Variants in SLC18A1 observed in about 807,000 individuals in gnomAD.
The protein encoded by SLC18A1 is chromaffin granule amine transporter.
SLC18A1 carries 69 observed loss-of-function variants against 53.7 expected under a neutral mutation model. The observed-to-expected ratio is 1.28, with a 90% CI of 1.06 to 1.57. SLC18A1 has a LOEUF of 1.57. SLC18A1 is among the 40% of genes most tolerant of loss of function. The pLI, the probability that SLC18A1 is intolerant of heterozygous loss-of-function variation, is 0.00. For missense variants in SLC18A1, 932 were observed against 668.1 expected (o/e 1.40, Z -4.35); for synonymous variants, 320 against 248.1 (o/e 1.29, Z -2.72).
At chr8:20,167,298 T>C (rs941102777) in intron 8 of SLC18A1, among the ~76,000 whole-genome samples, 2 of 152,208 alleles carry the variant, frequency 1.3e-5, no homozygotes, top group African/African-American at 4.8e-5. Context: ...TGAAAAGTCT[T>C]GAATATTTCT....
rs754851854 is a variant in SLC18A1, at chr8:20,171,449, G to A, written c.770C>T (p.Ser257Phe). The change falls in exon 7 of 16, where the codon TCT (serine) becomes TTT (phenylalanine). Residue 257 changes from serine to phenylalanine, a missense_variant. Transcript: ENST00000276373. ...GAAGGCCAGGATGAGGAAGGGTGCAGACTTCCCAACAAACTCGTACATTAC... is the reference window on the plus strand; with the variant it reads ...GAAGGCCAGGATGAGGAAGGGTGCAAACTTCCCAACAAACTCGTACATTAC... ...GSVMYEFVGK[S>F]APFLILAFLA... The A allele has an allele frequency of 1.2e-5, 19 of 1,614,050 alleles. No individual in the cohort carries two copies. The African/African-American group carries it at 2.3e-4, about 19-fold the overall frequency.
At position 20,148,009 on chromosome 8, in the gene SLC18A1, A is replaced by G. The variant is rs1421511032; in HGVS notation, c.1208T>C (p.Ile403Thr). 1 of 1,613,980 alleles carries G rather than the reference A, an allele frequency of 6.2e-7. No homozygotes were observed. The highest frequency in any genetic ancestry group is 8.5e-7 in the Non-Finnish European group (1 of 1,179,952). Residue 403 changes from isoleucine to threonine, a missense_variant and splice_region_variant, in exon 13 of 16, where the codon ATA (isoleucine) becomes ACA (threonine). Ile to Thr is a moderately conservative substitution (Grantham distance 89). Transcript: ENST00000276373. ...TTTTCTTTGAGGGCACTTCTTACCT[A>G]TGGCAAGGCCAAGCCCTGCATTGGG... The part of the protein sequence containing the change: ...IGPNAGLGLA[I>T]GMVDSSMMPI...
intron 8 of SLC18A1, among the ~76,000 whole-genome samples, chr8:20,165,549 C>T (rs2128874722): frequency 6.6e-6 from 1 of 152,286 alleles, no homozygotes; most frequent in East Asian, 1.9e-4. Flanking sequence ...ACTCAGAAAG[C>T]CTCTCAAGCT....
chr8:20,179,335 C>A lies in SLC18A1; in HGVS notation c.274G>T (p.Val92Phe). The stretch of plus-strand genomic sequence containing the variant: ...ATTCCACTAGGTACGCTTTCTTCAA[C>A]AGCCACGGTGTTGTTGTTGAAGAAG... The part of the protein sequence containing the change: ...FSFFNNNTVA[V>F]EESVPSGIAW... The change falls in exon 3 of 16, where the codon GTT becomes TTT. Residue 92 changes from valine to phenylalanine, a missense_variant. Physicochemically the swap from Val to Phe is conservative, Grantham distance 50 (BLOSUM62 -1). Coordinates refer to ENST00000276373, the MANE Select transcript of SLC18A1 (RefSeq NM_003053.4). 5.6e-6 allele frequency: 9 copies of A among 1,614,192 alleles called. No individual in the cohort carries two copies. The highest frequency in any genetic ancestry group is 7.6e-6 in the Non-Finnish European group (9 of 1,180,042).
In SLC18A1 at chr8:20,179,284, T is replaced by C. The variant is rs1484879925; in HGVS notation, c.325A>G (p.Thr109Ala). Residue 109 changes from threonine to alanine, a missense_variant, in exon 3 of 16, where the codon ACC (threonine) becomes GCC (alanine). Thr to Ala is a moderately conservative substitution (Grantham distance 58, BLOSUM62 0). Coordinates refer to ENST00000276373, the MANE Select transcript of SLC18A1 (RefSeq NM_003053.4). ...GCTTCAGTGGCTGGAGGTGGGATGG[T>C]GCTGGCAGTGTCATTCATCCATGCT... ...GIAWMNDTAS[T>A]IPPPATEAIS... is the part of the protein sequence containing the mutation. 9.9e-6 allele frequency: 16 copies of C among 1,614,058 alleles called. No homozygotes were observed. The highest frequency in any genetic ancestry group is 1.0e-5 in the Non-Finnish European group (12 of 1,180,042).
chr8:20,165,189 T>C (rs1585208384), intron 8 of SLC18A1, 82 bp from the exon 9 acceptor site: 2 of 1,238,480 alleles, frequency 1.6e-6, no homozygotes, highest in South Asian at 2.5e-5. Context: ...GAAAGTACAA[T>C]TATGGGCTTA....
At chr8:20,153,218 G>A (rs913655198) in intron 10 of SLC18A1, among the ~76,000 whole-genome samples, 10 of 151,740 alleles carry the variant, frequency 6.6e-5, no homozygotes, top group East Asian at 1.9e-4. Context: ...GTGGTTGTGC[G>A]TTTTTTTTGC....
Position 20,166,310 on chromosome 8 carries a change from TATATATATATATATATATATAC to T in SLC18A1, c.859-1225_859-1204del, listed in dbSNP as rs1249664381. Among the ~76,000 whole-genome samples the T allele has an allele frequency of 4.3e-3, 409 of 94,344 alleles. 22 individuals carry two copies. In the South Asian group the frequency reaches 0.054, roughly 12 times the overall value. 61.9% of individuals were successfully genotyped at this position (94,344 alleles called of 152,430 possible). ...GTGTCTATATATATATATATATATA[TATATATATATATATATATATAC>T]ACCACCAGGTGGAAAATAATAAGGA... On this transcript the variant is annotated intron_variant, in intron 8 of 15. Transcript: ENST00000276373.
Position 20,179,147 on chromosome 8 carries a change from G to A in SLC18A1, c.462C>T (p.Asn154=). Reference sequence around the variant, plus strand: ...TGTTGGTGAGAGGGCCCACGAATGGGTTGACCAGAAGTTGCATCACAGCCT... The same window carrying A: ...TGTTGGTGAGAGGGCCCACGAATGGATTGACCAGAAGTTGCATCACAGCCT... ...ASKAVMQLLV[N]PFVGPLTNRI... The change falls in exon 3 of 16, where the codon AAC becomes AAT. Residue 154 remains asparagine (N), a synonymous_variant. Coordinates refer to ENST00000276373, the MANE Select transcript of SLC18A1 (RefSeq NM_003053.4). 1.2e-6 allele frequency: 2 copies of A among 1,613,476 alleles called. No individual in the cohort carries two copies. The highest frequency in any genetic ancestry group is 1.7e-6 in the Non-Finnish European group (2 of 1,179,524).
intron 4 of SLC18A1, among the ~76,000 whole-genome samples, chr8:20,178,156 T>C (rs939322492): frequency 9.2e-6 from 1 of 108,272 alleles, no homozygotes; most frequent in Admixed American, 9.3e-5. Context: ...ACACACCCCG[T>C]AGCATACATA....
chr8:20,179,853 C>T (rs1342264774), intron 2 of SLC18A1, among the ~76,000 whole-genome samples: 1 of 152,172 alleles, frequency 6.6e-6, no homozygotes, highest in Non-Finnish European at 1.5e-5. Flanking sequence ...CAAACCAACA[C>T]ACACTGAGCT....
At chr8:20,146,822 CAA>C (rs10604873) in intron 15 of SLC18A1, among the ~76,000 whole-genome samples, 43,258 of 137,670 alleles carry the variant, frequency 0.31, 6,617 homozygotes, top group African/African-American at 0.4. Flanking sequence ...GAAACTCCAT[CAA>C]AAAAAAAAAA....
intron 10 of SLC18A1, among the ~76,000 whole-genome samples, chr8:20,157,962 A>G (rs13259196): frequency 0.27 from 40,515 of 152,118 alleles, 5,573 homozygotes; most frequent in Non-Finnish European, 0.28. Flanking sequence ...CCGAATAGAA[A>G]TAAGCCACCC....
intron 10 of SLC18A1, among the ~76,000 whole-genome samples, chr8:20,152,661 C>T (rs1229727154): frequency 6.6e-6 from 1 of 152,134 alleles, no homozygotes; most frequent in Non-Finnish European, 1.5e-5. Context: ...GCAGAGCTGT[C>T]AGGCAGTTAG....
intron 2 of SLC18A1, 22 bp from the exon 3 acceptor site, chr8:20,179,506 T>A: frequency 6.3e-7 from 1 of 1,593,410 alleles, no homozygotes; most frequent in South Asian, 1.1e-5. Context: ...AGAGGACAGG[T>A]GATGGGGGCT....
chr8:20,179,425 GCA>G lies in SLC18A1; in HGVS notation c.182_183del (p.Leu61ProfsTer32), dbSNP rs769773227. The G allele has an allele frequency of 4.3e-6, 7 of 1,614,036 alleles. No homozygotes were observed. The highest frequency in any genetic ancestry group is 5.9e-6 in the Non-Finnish European group (7 of 1,180,036). On this transcript the variant is annotated frameshift_variant, in exon 3 of 16. Coordinates refer to ENST00000276373, the MANE Select transcript of SLC18A1 (RefSeq NM_003053.4). LOFTEE classifies it high-confidence loss of function. Reference protein sequence around the residue: ...DMEFKEVNSSLHLGHAGSSPH... With the variant: ...DMEFKEVNSSXHLGHAGSSPH... ...GGGGAACTTCCGGCATGGCCGAGGT[GCA>G]GAGAAGAGTTGACTTCTTTGAACTC...
intron 8 of SLC18A1, among the ~76,000 whole-genome samples, chr8:20,169,676 C>G (rs545226755): frequency 1.3e-5 from 2 of 152,046 alleles, no homozygotes; most frequent in East Asian, 1.9e-4. Flanking sequence ...CTCAGGAGTT[C>G]GAGACCAGCC....
intron 15 of SLC18A1, 104 bp downstream of exon 15, chr8:20,147,154 A>G: frequency 8.1e-7 from 1 of 1,236,798 alleles, no homozygotes; most frequent in Non-Finnish European, 1.1e-6. Context: ...GAGTATCAAC[A>G]GAGCAATAGA....
intron 11 of SLC18A1, among the ~76,000 whole-genome samples, chr8:20,149,958 T>C (rs2128868114): frequency 1.3e-5 from 2 of 152,192 alleles, no homozygotes; most frequent in South Asian, 4.1e-4. Context: ...GGAGGTGCCG[T>C]GGGACACACT....
Sources: gnomAD v4.1 joint callset for allele counts (sites outside exome capture counted in the v4.1 genomes callset) on GRCh38, gnomAD v4.1.1 for gene constraint, MANE v1.5 for transcripts, NCBI Gene and HGNC (gene_info 2026-07-23, HGNC 2026-07-21) for gene names.